The following CLEC16A variants were observed in gnomAD, a reference collection of about 807,000 sequenced individuals.
CLEC16A encodes protein CLEC16A.
CLEC16A carries 51 observed loss-of-function variants against 109.5 expected under a neutral mutation model. The ratio of observed to expected loss-of-function variants is 0.47; its 90% CI spans 0.37 to 0.59. The LOEUF (loss-of-function observed/expected upper bound fraction) is 0.59, where lower values mean the gene tolerates loss of function less well. Among genes scored for constraint, CLEC16A ranks in the 20% least tolerant of loss-of-function variants. The pLI is 0.00. For missense variants in CLEC16A, 1,339 were observed against 1,394.0 expected (o/e 0.96, Z 0.63); for synonymous variants, 673 against 564.2 (o/e 1.19, Z -2.73).
At chr16:11,092,453 G>GGCGGGAGGATCACAGCCTC (rs1310441039) in intron 19 of CLEC16A, among the ~76,000 whole-genome samples, 8 of 151,582 alleles carry the variant, frequency 5.3e-5, no homozygotes, top group Non-Finnish European at 7.4e-5. Flanking sequence ...GGGAGGCTGA[G>GGCGGGAGGATCACAGCCTC]GCGGGAGGAT....
At chr16:11,045,674 G>T (rs1210196771) in intron 16 of CLEC16A, among the ~76,000 whole-genome samples, 2 of 152,134 alleles carry the variant, frequency 1.3e-5, no homozygotes, top group Non-Finnish European at 2.9e-5. Flanking sequence ...TAGTTTGCTG[G>T]CCTCCGGATC....
chr16:10,952,349 C>T (rs1207273499), intron 1 of CLEC16A, among the ~76,000 whole-genome samples: 2 of 152,174 alleles, frequency 1.3e-5, no homozygotes, highest in African/African-American at 2.4e-5. Context: ...CAAAAATTAG[C>T]TGGGCATGGT....
At chr16:11,057,169 T>C (rs2048253682) in intron 18 of CLEC16A, 1 of 155,066 alleles carries the variant, frequency 6.4e-6, no homozygotes, top group Admixed American at 6.5e-5. Flanking sequence ...GCTTTCCCGA[T>C]GGGTTGTGCC....
intron 1 of CLEC16A, among the ~76,000 whole-genome samples, chr16:10,955,813 G>A (rs1465521523): frequency 1.3e-5 from 2 of 152,174 alleles, no homozygotes; most frequent in Non-Finnish European, 2.9e-5. Context: ...AGGCACATGG[G>A]GGCCTGCGTG....
At chr16:10,977,420 C>T (rs1419130675) in intron 8 of CLEC16A, 21 bp downstream of exon 8, 1 of 1,605,272 alleles carries the variant, frequency 6.2e-7, no homozygotes, top group Non-Finnish European at 8.5e-7. Context: ...CCCCGTGGCT[C>T]CCGCTGGCTG....
At chr16:11,007,285 A>G (rs994047665) in intron 11 of CLEC16A, among the ~76,000 whole-genome samples, 1 of 151,146 alleles carries the variant, frequency 6.6e-6, no homozygotes, top group Non-Finnish European at 1.5e-5. Context: ...TTGAGAGGGT[A>G]CCTGGGAGTT....
In CLEC16A at chr16:10,969,398, G is replaced by A; in HGVS notation, c.492+89G>A. 3 of 915,622 alleles carry A rather than the reference G, an allele frequency of 3.3e-6. No homozygotes were observed. The South Asian group carries it at 5.1e-5, about 16-fold the overall frequency. 56.7% of individuals were successfully genotyped at this position (915,622 alleles called of 1,614,324 possible). A position where few individuals can be genotyped will look rare whatever the true frequency, so the allele number is the denominator to read the frequency against. On this transcript the variant is annotated intron_variant, in intron 4 of 23. Transcript: ENST00000409790. ...TTACGGCAGCGCCTTATATCTGGATGGTCTTGTGTCTGTTTACAAAGCTCT... is the reference window on the plus strand; with the variant it reads ...TTACGGCAGCGCCTTATATCTGGATAGTCTTGTGTCTGTTTACAAAGCTCT...
At chr16:11,145,105 A>C (rs1014260573) in intron 22 of CLEC16A, among the ~76,000 whole-genome samples, 3 of 152,166 alleles carry the variant, frequency 2.0e-5, no homozygotes, top group African/African-American at 7.2e-5. Flanking sequence ...GATAGGGGTC[A>C]GCAGGAGATA....
intron 22 of CLEC16A, among the ~76,000 whole-genome samples, chr16:11,142,163 G>A (rs1303434518): frequency 6.6e-6 from 1 of 152,146 alleles, no homozygotes; most frequent in Non-Finnish European, 1.5e-5. Flanking sequence ...GAGGTAACTT[G>A]CCCGAAGTCA....
intron 23 of CLEC16A, among the ~76,000 whole-genome samples, chr16:11,167,308 C>G (rs1051627921): frequency 1.3e-5 from 2 of 152,138 alleles, no homozygotes; most frequent in Admixed American, 1.3e-4. Flanking sequence ...GCAGCATCCC[C>G]CCGCCATGGG....
rs1032912758 is a variant in CLEC16A at position 10,961,784 on chromosome 16, C to T, written c.210-671C>T. On this transcript the variant is annotated intron_variant, in intron 2 of 23. Coordinates refer to ENST00000409790, the MANE Select transcript of CLEC16A (RefSeq NM_015226.3). The surrounding 1 kb of genome is among the most constrained non-coding windows in gnomAD (Gnocchi z 4.3). ...CATATCTCCCCAGCCTCCTCTGTTC[C>T]GTGACTCTTTTTTAGTCTTCTGTTG... Among the ~76,000 whole-genome samples, 3 of 152,114 alleles carry T rather than the reference C, an allele frequency of 2.0e-5. No individual in the cohort carries two copies. Among genetic ancestry groups the T allele is most frequent in the African/African-American group, 7.2e-5 (3 of 41,422 alleles).
intron 21 of CLEC16A, 45 bp from the exon 22 acceptor site, chr16:11,125,934 C>T: frequency 3.8e-6 from 3 of 791,750 alleles, no homozygotes; most frequent in Non-Finnish European, 5.3e-6. Context: ...CCACCCCCCT[C>T]TATCCCACAT....
rs75344354 is a variant in CLEC16A, at chr16:11,024,038, G to A, written c.1437-783G>A. ...AGATCTCACCCACAAAGCATCAGAG[G>A]TGAGAGACCTCACTATCGATTCTTC... On this transcript the variant is annotated intron_variant, in intron 12 of 23. Coordinates refer to ENST00000409790, the MANE Select transcript of CLEC16A (RefSeq NM_015226.3). 2.0e-5 allele frequency: 3 copies of A among 152,346 alleles called. No individual in the cohort carries two copies. In the East Asian group the frequency reaches 5.8e-4, roughly 29 times the overall value. 9.4% of individuals were successfully genotyped at this position (152,346 alleles called of 1,614,324 possible).
intron 22 of CLEC16A, among the ~76,000 whole-genome samples, chr16:11,130,865 T>A (rs1281957129): frequency 6.6e-6 from 1 of 152,196 alleles, no homozygotes; most frequent in Non-Finnish European, 1.5e-5. Flanking sequence ...CGGGCCCAGG[T>A]AATTGTCATA....
intron 23 of CLEC16A, among the ~76,000 whole-genome samples, chr16:11,173,185 A>G (rs181464321): frequency 6.6e-6 from 1 of 152,136 alleles, no homozygotes; most frequent in Non-Finnish European, 1.5e-5. Flanking sequence ...AGAAACCCCA[A>G]GTAAGATATC....
intron 19 of CLEC16A, among the ~76,000 whole-genome samples, chr16:11,088,062 T>C (rs1482507834): frequency 6.6e-6 from 1 of 152,230 alleles, no homozygotes; most frequent in Non-Finnish European, 1.5e-5. Context: ...CTGTTAGAGC[T>C]TTCTCTCAGC....
At chr16:10,999,955 G>A (rs1326176252) in intron 10 of CLEC16A, among the ~76,000 whole-genome samples, 1 of 152,120 alleles carries the variant, frequency 6.6e-6, no homozygotes, top group African/African-American at 2.4e-5. Flanking sequence ...TCTTGCCTCA[G>A]CCTCCCGAGT....
chr16:10,996,853 T>G (rs965238776), intron 10 of CLEC16A, among the ~76,000 whole-genome samples: 3 of 152,180 alleles, frequency 2.0e-5, no homozygotes, highest in Non-Finnish European at 4.4e-5. Flanking sequence ...ATTTCATCAG[T>G]GATCAGTGAA....
intron 19 of CLEC16A, among the ~76,000 whole-genome samples, chr16:11,091,145 G>A (rs555647115): frequency 2.0e-5 from 3 of 152,306 alleles, no homozygotes; most frequent in Middle Eastern, 3.4e-3. Context: ...CCATAAAGAC[G>A]TGAGGTAAGC....
Sources: gnomAD v4.1 joint callset for allele counts (sites outside exome capture counted in the v4.1 genomes callset) on GRCh38, gnomAD v4.1.1 for gene constraint, Gnocchi (gnomAD v3.1) non-coding constraint, MANE v1.5 for transcripts, NCBI Gene and HGNC (gene_info 2026-07-23, HGNC 2026-07-21) for gene names.